CLNS1A: variants seen among roughly 807,000 people sequenced by gnomAD.
CLNS1A encodes methylosome subunit pICln.
A neutral mutation model predicts 29.4 loss-of-function variants in CLNS1A; 16 were observed. That is an observed-to-expected ratio of 0.54 (90% CI 0.37 to 0.83). CLNS1A has a LOEUF of 0.83. Ranked by LOEUF, CLNS1A falls within the 40% of genes least tolerant of loss-of-function variation. CLNS1A has a pLI of 0.00. For missense variants in CLNS1A, 235 were observed against 287.4 expected (o/e 0.82, Z 1.32); for synonymous variants, 96 against 104.8 (o/e 0.92, Z 0.51).
rs115786252 is a variant in CLNS1A, at chr11:77,623,819, A to G, written c.472+1144T>C. 6.2e-3 allele frequency among the ~76,000 whole-genome samples: 946 copies of G among 152,328 alleles called. 9 individuals are homozygous for G. The highest frequency in any genetic ancestry group is 0.022 in the African/African-American group (919 of 41,578). On this transcript the variant is annotated intron_variant, in intron 4 of 6. Transcript: ENST00000525428. ...ACCAGTAGGGAAAAGAAAAGAGAAC[A>G]GCAGGTACTTCAAGCTATAAAGACT...
At position 77,614,774 on chromosome 11, in the gene CLNS1A, GTC is replaced by G. The variant is rs1317892505; in HGVS notation, c.*1942_*1943del. On this transcript the variant is annotated 3_prime_UTR_variant, in exon 7 of 7. Coordinates refer to ENST00000525428, the MANE Select transcript of CLNS1A (RefSeq NM_001293.3). The stretch of plus-strand genomic sequence containing the variant: ...GGAAATGTCTATGTACCTTTAAAGT[GTC>G]TCTACATCAGGAACACACAAAGAAA... The G allele has an allele frequency of 2.6e-4, 40 of 152,196 alleles. No individual in the cohort carries two copies. Among genetic ancestry groups the G allele is most frequent in the African/African-American group, 9.4e-4 (39 of 41,450 alleles). The allele number at this position is 152,196 out of a possible 1,614,324, so 9.4% of individuals were successfully genotyped here.
In CLNS1A at chr11:77,629,675, T is replaced by C. The variant is rs1590801654; in HGVS notation, c.262+88A>G. On this transcript the variant is annotated intron_variant, in intron 2 of 6. Transcript: ENST00000525428. ...TCCCAGAGTGCTGGGATTACAGGCGTGAGCCACCGTGCCCGGCCTCAAAGA... is the reference window on the plus strand; with the variant it reads ...TCCCAGAGTGCTGGGATTACAGGCGCGAGCCACCGTGCCCGGCCTCAAAGA... 15 of 1,328,404 alleles carry C rather than the reference T, an allele frequency of 1.1e-5. No homozygotes were observed. In the East Asian group the frequency reaches 3.7e-4, roughly 32 times the overall value. The allele number at this position is 1,328,404 out of a possible 1,614,324, so 82.3% of individuals were successfully genotyped here.
In CLNS1A at chr11:77,625,956, C is replaced by A. The variant is rs185971151; in HGVS notation, c.263-138G>T. On this transcript the variant is annotated intron_variant, in intron 2 of 6. Coordinates refer to ENST00000525428, the MANE Select transcript of CLNS1A (RefSeq NM_001293.3). ...TATTTCCAATTATGGTTGAAAAATT[C>A]TGATTATACAGTGAGCATCCTAGAA... 29 of 836,178 alleles carry A rather than the reference C, an allele frequency of 3.5e-5. No individual in the cohort carries two copies. The East Asian group carries it at 7.5e-4, about 22-fold the overall frequency. The allele number at this position is 836,178 out of a possible 1,614,324, so 51.8% of individuals were successfully genotyped here. A position where few individuals can be genotyped will look rare whatever the true frequency, so the allele number is the denominator to read the frequency against.
intron 2 of CLNS1A, among the ~76,000 whole-genome samples, chr11:77,628,374 TTAGA>T (rs1226384214): frequency 6.6e-6 from 1 of 152,182 alleles, no homozygotes; most frequent in Non-Finnish European, 1.5e-5. Context: ...TTGCATTTAC[TTAGA>T]TGGAGAGTAA....
At position 77,615,081 on chromosome 11, in the gene CLNS1A, A is replaced by G. The variant is rs985364596; in HGVS notation, c.*1637T>C. 6.6e-6 allele frequency: 1 copy of G among 152,228 alleles called. No homozygotes were observed. The highest frequency in any genetic ancestry group is 1.5e-5 in the Non-Finnish European group (1 of 68,042). The allele number at this position is 152,228 out of a possible 1,614,324, so 9.4% of individuals were successfully genotyped here. The stretch of plus-strand genomic sequence containing the variant: ...CAGCAACACCAACAAGAAACCAAGT[A>G]CACTCTGAATCTTCTCGACATTTTG... On this transcript the variant is annotated 3_prime_UTR_variant, in exon 7 of 7. Coordinates refer to ENST00000525428, the MANE Select transcript of CLNS1A (RefSeq NM_001293.3).
intron 1 of CLNS1A, among the ~76,000 whole-genome samples, chr11:77,635,548 ACATTGTTGGCCAGGCTGGTCTTGAACTC>A (rs1959116691): frequency 1.3e-5 from 2 of 151,794 alleles, no homozygotes; most frequent in African/African-American, 4.8e-5. Context: ...ACAGGGTTTC[ACATTGTTGGCCAGGCTGGTCTTGAACTC>A]CTGTCATCAG....
intron 5 of CLNS1A, among the ~76,000 whole-genome samples, chr11:77,620,641 TA>T (rs113879430): frequency 1.3e-5 from 2 of 149,484 alleles, no homozygotes; most frequent in African/African-American, 5.0e-5. Flanking sequence ...GCGAAATCTC[TA>T]ACAAAAATAC....
chr11:77,617,229 G>T (rs575567044), intron 6 of CLNS1A, among the ~76,000 whole-genome samples: 8 of 152,044 alleles, frequency 5.3e-5, no homozygotes, highest in Non-Finnish European at 1.2e-4. Context: ...TTAGCCAGGC[G>T]TGGTGGCACA....
intron 4 of CLNS1A, among the ~76,000 whole-genome samples, chr11:77,623,049 T>TA (rs1958979614): frequency 6.6e-6 from 1 of 151,562 alleles, no homozygotes; most frequent in South Asian, 2.1e-4. Context: ...ACATATAGGC[T>TA]ACTGCTGAAG....
chr11:77,620,601 C>G (rs1231903881), intron 5 of CLNS1A, among the ~76,000 whole-genome samples: 1 of 152,094 alleles, frequency 6.6e-6, no homozygotes, highest in Non-Finnish European at 1.5e-5. Context: ...GAGTTTGAGA[C>G]CAGCCTGGCC....
intron 4 of CLNS1A, among the ~76,000 whole-genome samples, 168 bp downstream of exon 4, chr11:77,624,795 G>T (rs1958999137): frequency 6.6e-6 from 1 of 151,688 alleles, no homozygotes; most frequent in Admixed American, 6.6e-5. Flanking sequence ...CTCCAGCCTG[G>T]GCAACAAAAG....
intron 6 of CLNS1A, among the ~76,000 whole-genome samples, chr11:77,617,901 G>A (rs1958920803): frequency 6.7e-6 from 1 of 149,762 alleles, no homozygotes; most frequent in Non-Finnish European, 1.5e-5. Flanking sequence ...TTGGGCGACA[G>A]AGCGAGATTC....
Position 77,637,634 on chromosome 11 carries a change from C to T in CLNS1A, c.81G>A (p.Leu27=). 1 of 1,591,558 alleles carries T rather than the reference C, an allele frequency of 6.3e-7. No homozygotes were observed. The highest frequency in any genetic ancestry group is 2.3e-5 in the East Asian group (1 of 43,490). The change falls in exon 1 of 7, where the codon CTG becomes CTA. Residue 27 remains leucine, a synonymous_variant. Transcript: ENST00000525428. ...LRQQPDTEAV[L]NGKGLGTGTL... Reference sequence around the variant, plus strand: ...TACCAGTGCCGAGGCCCTTCCCGTTCAGCACAGCCTCAGTGTCTGGCTGCT... The same window carrying T: ...TACCAGTGCCGAGGCCCTTCCCGTTTAGCACAGCCTCAGTGTCTGGCTGCT...
intron 1 of CLNS1A, among the ~76,000 whole-genome samples, chr11:77,631,289 C>G (rs1208670192): frequency 6.6e-6 from 1 of 151,766 alleles, no homozygotes; most frequent in Non-Finnish European, 1.5e-5. Context: ...AACTGTACAA[C>G]TCTGTAAATA....
Position 77,625,018 on chromosome 11 carries a change from A to T in CLNS1A, c.417T>A (p.Pro139=), listed in dbSNP as rs141952158. The T allele has an allele frequency of 0.013, 21,347 of 1,614,016 alleles. 263 individuals are homozygous for T. The highest frequency in any genetic ancestry group is 0.014 in the Non-Finnish European group (16,057 of 1,179,896). Residue 139 remains proline, a synonymous_variant, in exon 4 of 7, where the codon CCT becomes CCA. Transcript: ENST00000525428. The stretch of plus-strand genomic sequence containing the variant: ...CGTAGTCATCTGAATCCTCATCCTC[A>T]GGATCTGGATGCAAGGCCTGGCATT... ...MCECQALHPD[P]EDEDSDDYDG...
chr11:77,619,420 T>A, intron 6 of CLNS1A, 186 bp downstream of exon 6: 1 of 553,336 alleles, frequency 1.8e-6, no homozygotes, highest in Non-Finnish European at 3.2e-6. Context: ...TAGTCCCAGC[T>A]ATTTGGGAGG....
intron 6 of CLNS1A, chr11:77,618,459 G>T (rs1373222486): frequency 6.6e-6 from 1 of 152,124 alleles, no homozygotes; most frequent in Non-Finnish European, 1.5e-5. Flanking sequence ...ATTTTAAACT[G>T]TATGGCTACC....
At position 77,616,060 on chromosome 11, in the gene CLNS1A, AAAAT is replaced by A. The variant is rs1298456668; in HGVS notation, c.*654_*657del. ...TGTTCATCTTCTCAACAAGTAAACA[AAAAT>A]AAAGCCAACAAAATTCTCATATTTG... On this transcript the variant is annotated 3_prime_UTR_variant, in exon 7 of 7. Transcript: ENST00000525428. 1 of 152,106 alleles carries A rather than the reference AAAAT, an allele frequency of 6.6e-6. No homozygotes were observed. Among genetic ancestry groups the A allele is most frequent in the Non-Finnish European group, 1.5e-5 (1 of 68,038 alleles). 9.4% of individuals were successfully genotyped at this position (152,106 alleles called of 1,614,324 possible). A position where few individuals can be genotyped will look rare whatever the true frequency, so the allele number is the denominator to read the frequency against.
At chr11:77,634,628 G>C (rs1217518699) in intron 1 of CLNS1A, among the ~76,000 whole-genome samples, 2 of 150,966 alleles carry the variant, frequency 1.3e-5, no homozygotes, top group Admixed American at 6.7e-5. Flanking sequence ...GGAGGCTGAG[G>C]CAGGAGAATC....
Sources: gnomAD v4.1 joint callset for allele counts (sites outside exome capture counted in the v4.1 genomes callset) on GRCh38, gnomAD v4.1.1 for gene constraint, MANE v1.5 for transcripts, NCBI Gene and HGNC (gene_info 2026-07-23, HGNC 2026-07-21) for gene names.